MACROD1: variants seen among roughly 807,000 people sequenced by gnomAD.
The protein encoded by MACROD1 is ADP-ribose glycohydrolase MACROD1.
Under a neutral mutation model 41.4 loss-of-function variants are expected in MACROD1, and 31 were observed. The observed-to-expected ratio is 0.75, with a 90% CI of 0.56 to 1.01. MACROD1 has a LOEUF of 1.01. Ranked by LOEUF, MACROD1 falls within the 50% of genes least tolerant of loss-of-function variation. The probability of loss-of-function intolerance (pLI) is 0.00; values close to 1 mark genes in which losing one functional copy is unlikely to be tolerated. For missense variants in MACROD1, 473 were observed against 460.0 expected, an observed-to-expected ratio of 1.03 and a Z score of -0.26; for synonymous variants, 252 against 203.4, an observed-to-expected ratio of 1.24 and a Z score of -2.03.
chr11:64,009,400 G>C (rs903408891), intron 4 of MACROD1, among the ~76,000 whole-genome samples: 1 of 152,182 alleles, frequency 6.6e-6, no homozygotes, highest in South Asian at 2.1e-4. Flanking sequence ...TCCCCCTGGG[G>C]GGCCCGTCCA....
intron 3 of MACROD1, among the ~76,000 whole-genome samples, chr11:64,105,803 CGGGG>C (rs1944752801): frequency 6.6e-6 from 1 of 152,144 alleles, no homozygotes; most frequent in Non-Finnish European, 1.5e-5. Flanking sequence ...AGGAGGTGGG[CGGGG>C]AGGCTGCCCA....
chr11:64,148,542 G>A (rs1406422602), intron 3 of MACROD1, among the ~76,000 whole-genome samples: 1 of 152,178 alleles, frequency 6.6e-6, no homozygotes, highest in Non-Finnish European at 1.5e-5. Flanking sequence ...CCCACCCCAA[G>A]ATAATTGCTC....
In MACROD1 at chr11:64,136,399, T is replaced by C. The variant is rs367921069; in HGVS notation, c.517+14840A>G. On this transcript the variant is annotated intron_variant, in intron 3 of 10. Transcript: ENST00000255681. The stretch of plus-strand genomic sequence containing the variant: ...TTCCCAACCTGAGAAGTGGGACTCA[T>C]AGCCGCCTCTCAGGCCATGACTGTG... 3.3e-3 allele frequency among the ~76,000 whole-genome samples: 505 copies of C among 152,320 alleles called. 2 individuals are homozygous for C. The highest frequency in any genetic ancestry group is 0.012 in the African/African-American group (491 of 41,580).
In MACROD1 at chr11:64,148,309, C is replaced by T. The variant is rs565476295; in HGVS notation, c.517+2930G>A. On this transcript the variant is annotated intron_variant, in intron 3 of 10. Coordinates refer to ENST00000255681, the MANE Select transcript of MACROD1 (RefSeq NM_014067.4). ...TCTCCTAGCTCCCACTGCACCCTTCCCCTCCACATCCCTGCAGCTGGACCC... is the reference window on the plus strand; with the variant it reads ...TCTCCTAGCTCCCACTGCACCCTTCTCCTCCACATCCCTGCAGCTGGACCC... Among the ~76,000 whole-genome samples the T allele has an allele frequency of 1.4e-4, 22 of 152,314 alleles. No individual in the cohort carries two copies. In the South Asian group the frequency reaches 4.1e-3, roughly 29 times the overall value.
At chr11:64,076,617 T>G (rs1316831326) in intron 3 of MACROD1, among the ~76,000 whole-genome samples, 2 of 152,134 alleles carry the variant, frequency 1.3e-5, no homozygotes, top group African/African-American at 4.8e-5. Flanking sequence ...ACTATCATTA[T>G]CTCCATTTTC....
At chr11:64,113,234 A>C (rs1236040516) in intron 3 of MACROD1, among the ~76,000 whole-genome samples, 2 of 152,272 alleles carry the variant, frequency 1.3e-5, no homozygotes, top group Non-Finnish European at 2.9e-5. Context: ...CTTAAATATT[A>C]GGAAAGTTCT....
chr11:64,139,125 G>C (rs943863216), intron 3 of MACROD1, among the ~76,000 whole-genome samples: 1 of 152,114 alleles, frequency 6.6e-6, no homozygotes, highest in African/African-American at 2.4e-5. Flanking sequence ...GGAGGAAGCC[G>C]CCAGTGACCT....
At chr11:64,116,081 C>A in intron 3 of MACROD1, 2 of 852,106 alleles carry the variant, frequency 2.3e-6, no homozygotes, top group Non-Finnish European at 3.5e-6. Flanking sequence ...GCCACTCCTC[C>A]AGCTTGACCT....
intron 3 of MACROD1, among the ~76,000 whole-genome samples, chr11:64,074,313 C>T (rs1944162650): frequency 1.3e-5 from 2 of 152,200 alleles, no homozygotes; most frequent in South Asian, 4.1e-4. Context: ...CTGCCGAGCT[C>T]CTATGCATTC....
chr11:64,040,970 C>T (rs141894304), intron 3 of MACROD1, among the ~76,000 whole-genome samples: 133 of 152,058 alleles, frequency 8.7e-4, no homozygotes, highest in Non-Finnish European at 1.4e-3. Context: ...CATGGGCAGA[C>T]GGGGTCTATT....
At chr11:64,131,845 G>C (rs896816769) in intron 3 of MACROD1, among the ~76,000 whole-genome samples, 1 of 152,142 alleles carries the variant, frequency 6.6e-6, no homozygotes, top group Non-Finnish European at 1.5e-5. Context: ...TTTGTGGTTG[G>C]TTGATGAAAA....
chr11:64,109,150 G>A (rs1944816243), intron 3 of MACROD1, among the ~76,000 whole-genome samples: 1 of 152,124 alleles, frequency 6.6e-6, no homozygotes, highest in Admixed American at 6.5e-5. Flanking sequence ...AGACAGGGAT[G>A]GGGGGCTATT....
chr11:64,149,540 C>G (rs1590969961), intron 3 of MACROD1, among the ~76,000 whole-genome samples: 4 of 152,350 alleles, frequency 2.6e-5, no homozygotes, highest in African/African-American at 9.6e-5. Flanking sequence ...GGAGCGCCCC[C>G]ATTCCATCTG....
At chr11:64,076,451 CGGAT>C (rs34046350) in intron 3 of MACROD1, among the ~76,000 whole-genome samples, 1 of 151,796 alleles carries the variant, frequency 6.6e-6, no homozygotes, top group Admixed American at 6.6e-5. Context: ...GATGGATGGA[CGGAT>C]GGATGGACGG....
intron 3 of MACROD1, among the ~76,000 whole-genome samples, chr11:64,020,955 G>C (rs1943144259): frequency 6.6e-6 from 1 of 152,186 alleles, no homozygotes; most frequent in African/African-American, 2.4e-5. Flanking sequence ...GAGCTCAGGT[G>C]ATCCACCCAC....
intron 3 of MACROD1, among the ~76,000 whole-genome samples, chr11:64,068,460 G>A (rs1039613420): frequency 5.3e-5 from 8 of 152,336 alleles, no homozygotes; most frequent in Admixed American, 2.6e-4. Flanking sequence ...GTCTGGGCAC[G>A]GTAAGGGCTG....
intron 3 of MACROD1, chr11:64,118,481 A>C (rs1189771897): frequency 3.6e-6 from 2 of 551,676 alleles, no homozygotes; most frequent in African/African-American, 3.8e-5. Flanking sequence ...TTTTTTTAAA[A>C]GAATAGAAGG....
At chr11:64,084,518 T>G (rs752012444) in intron 3 of MACROD1, among the ~76,000 whole-genome samples, 2 of 152,210 alleles carry the variant, frequency 1.3e-5, no homozygotes, top group African/African-American at 2.4e-5. Context: ...GGGCCTGGGC[T>G]TGGGTCATCG....
rs1461312425 is a variant in MACROD1, at chr11:64,082,102, T to G, written c.518-66821A>C. On this transcript the variant is annotated intron_variant, in intron 3 of 10. Coordinates refer to ENST00000255681, the MANE Select transcript of MACROD1 (RefSeq NM_014067.4). This position sits in a 1 kb window ranked among gnomAD's most constrained non-coding sequence, Gnocchi z 4.5. ...GGGCCGTGGCGAGAACAGATGGGGCTGTGCCCATCTCCCCAGGCCCTCCTG... is the reference window on the plus strand; with the variant it reads ...GGGCCGTGGCGAGAACAGATGGGGCGGTGCCCATCTCCCCAGGCCCTCCTG... 6.6e-6 allele frequency: 1 copy of G among 152,080 alleles called. No individual in the cohort carries two copies. The highest frequency in any genetic ancestry group is 1.5e-5 in the Non-Finnish European group (1 of 68,050). The allele number at this position is 152,080 out of a possible 1,614,324, so 9.4% of individuals were successfully genotyped here.
Sources: gnomAD v4.1 joint callset for allele counts (sites outside exome capture counted in the v4.1 genomes callset) on GRCh38, gnomAD v4.1.1 for gene constraint, Gnocchi (gnomAD v3.1) non-coding constraint, MANE v1.5 for transcripts, NCBI Gene and HGNC (gene_info 2026-07-23, HGNC 2026-07-21) for gene names.